Variants in MAOA observed in about 807,000 individuals in gnomAD.
The protein encoded by MAOA is monoamine oxidase A, also known as amine oxidase [flavin-containing] A.
In MAOA, 6 loss-of-function variants were observed where a neutral mutation model predicts 42.0. The observed-to-expected ratio is 0.14, with a 90% CI of 0.08 to 0.28. The LOEUF (loss-of-function observed/expected upper bound fraction) is 0.28, where lower values mean the gene tolerates loss of function less well. Among genes scored for constraint, MAOA ranks in the 10% least tolerant of loss-of-function variants. MAOA has a pLI of 1.00. For synonymous variants in MAOA, 140 were observed against 154.0 expected (o/e 0.91, Z 0.67); for missense variants, 262 against 422.3 (o/e 0.62, Z 3.33).
At chrX:43,689,245 A>G (rs1441017772) in intron 2 of MAOA, among the ~76,000 whole-genome samples, 1 of 110,576 alleles carries the variant, frequency 9.0e-6, no homozygotes, top group African/African-American at 3.3e-5. Context: ...CACCCAACTA[A>G]TTTTTGCATT....
chrX:43,682,383 G>A (rs1449212423), intron 1 of MAOA, among the ~76,000 whole-genome samples: 2 of 110,973 alleles, frequency 1.8e-5, no homozygotes, highest in Non-Finnish European at 3.8e-5. Context: ...AAGGAAGGAA[G>A]TGTTTAAACA....
intron 14 of MAOA, 39 bp downstream of exon 14, chrX:43,744,210 C>T (rs1391918337): frequency 8.6e-6 from 10 of 1,159,251 alleles, no homozygotes; most frequent in Non-Finnish European, 1.1e-5. Context: ...CTCCTTAGAC[C>T]AATCATGGAA....
chrX:43,712,846 CT>C, intron 5 of MAOA, 50 bp downstream of exon 5: 1 of 885,288 alleles, frequency 1.1e-6, no homozygotes, highest in Non-Finnish European at 1.7e-6. Context: ...CCCTTCTCGT[CT>C]TTTATATCTT....
At chrX:43,712,974 T>C (rs1453495700) in intron 5 of MAOA, among the ~76,000 whole-genome samples, 178 bp downstream of exon 5, 1 of 112,489 alleles carries the variant, frequency 8.9e-6, no homozygotes, top group Non-Finnish European at 1.9e-5. Context: ...AGAAAATGAA[T>C]CTAAAAATTA....
chrX:43,706,624 C>CATAAATAAATAAATAAATAA (rs746283353), intron 3 of MAOA, among the ~76,000 whole-genome samples: 1,129 of 104,861 alleles, frequency 0.011, 24 homozygotes, highest in African/African-American at 0.04. Flanking sequence ...ATCTCTACAA[C>CATAAATAAATAAATAAATAA]ATAAATAAAT....
At chrX:43,665,292 A>G (rs780455472) in intron 1 of MAOA, among the ~76,000 whole-genome samples, 1 of 111,681 alleles carries the variant, frequency 9.0e-6, no homozygotes, top group African/African-American at 3.3e-5. Context: ...TTTTTGCTGC[A>G]GGACTTCTCA....
At chrX:43,660,254 CCCTGAAGCTA>C (rs980683381) in intron 1 of MAOA, among the ~76,000 whole-genome samples, 10 of 111,288 alleles carry the variant, frequency 9.0e-5, no homozygotes, top group African/African-American at 3.3e-4. Flanking sequence ...AGCTCTTGAC[CCCTGAAGCTA>C]CCTGGTTATG....
chrX:43,722,443 A>G (rs1161211459), intron 5 of MAOA, among the ~76,000 whole-genome samples: 1 of 112,671 alleles, frequency 8.9e-6, no homozygotes, highest in Admixed American at 9.4e-5. Context: ...ATGACCAGTG[A>G]TGATGAACAT....
chrX:43,732,677 A>G (rs2033891791), intron 8 of MAOA, 22 bp from the exon 9 acceptor site: 4 of 1,083,608 alleles, frequency 3.7e-6, no homozygotes, highest in Non-Finnish European at 5.1e-6. Flanking sequence ...TCGATCTCCC[A>G]TTGATTTTTC....
intron 10 of MAOA, among the ~76,000 whole-genome samples, chrX:43,738,134 C>G (rs929223163): frequency 1.8e-5 from 2 of 112,018 alleles, no homozygotes; most frequent in Non-Finnish European, 3.8e-5. Flanking sequence ...TTTCAACAAG[C>G]TTTTCAGGTG....
At chrX:43,738,748 G>A (rs1182499180) in intron 10 of MAOA, among the ~76,000 whole-genome samples, 1 of 111,664 alleles carries the variant, frequency 9.0e-6, no homozygotes, top group Non-Finnish European at 1.9e-5. Flanking sequence ...TGAGTCCAGG[G>A]AGGTTAAGGC....
rs998085425 is a variant in MAOA, at chrX:43,683,622, T to A, written c.168+15T>A. Reference sequence around the variant, plus strand: ...ATACTATAAGGGTAAGTGATTTTAATACTTACATGTAATGTAATATCTCAC... The same window carrying A: ...ATACTATAAGGGTAAGTGATTTTAAAACTTACATGTAATGTAATATCTCAC... On this transcript the variant is annotated intron_variant, in intron 2 of 14. Transcript: ENST00000338702. The A allele has an allele frequency of 8.2e-6, 9 of 1,100,798 alleles. No individual in the cohort carries two copies. Among genetic ancestry groups the A allele is most frequent in the Admixed American group, 2.2e-5 (1 of 45,504 alleles). 90.7% of individuals were successfully genotyped at this position (1,100,798 alleles called of 1,213,427 possible).
At chrX:43,692,177 G>A (rs1347395897) in intron 2 of MAOA, among the ~76,000 whole-genome samples, 3 of 110,771 alleles carry the variant, frequency 2.7e-5, no homozygotes, top group Non-Finnish European at 5.7e-5. Flanking sequence ...AGAAGCTCCC[G>A]AAGGCTGAGC....
At chrX:43,676,525 C>T (rs765925093) in intron 1 of MAOA, among the ~76,000 whole-genome samples, 165 of 111,744 alleles carry the variant, frequency 1.5e-3, no homozygotes, top group African/African-American at 5.3e-3. Flanking sequence ...AGAAATCACC[C>T]GTCTTCTGCA....
intron 7 of MAOA, 34 bp from the exon 8 acceptor site, chrX:43,731,660 A>C: frequency 8.4e-7 from 1 of 1,190,683 alleles, no homozygotes; most frequent in Non-Finnish European, 1.1e-6. Flanking sequence ...TGCAGCTCAC[A>C]TTTGAGGTAA....
intron 3 of MAOA, among the ~76,000 whole-genome samples, chrX:43,697,232 G>A (rs2033587544): frequency 8.9e-6 from 1 of 112,323 alleles, no homozygotes; most frequent in Non-Finnish European, 1.9e-5. Flanking sequence ...TCTACTGTCA[G>A]GGACTGTGGA....
At chrX:43,693,173 T>C (rs915293982) in intron 2 of MAOA, 118 bp from the exon 3 acceptor site, 1 of 684,888 alleles carries the variant, frequency 1.5e-6, no homozygotes, top group Non-Finnish European at 2.3e-6. Context: ...TTGCTCTTTA[T>C]AGGGGAGATG....
chrX:43,667,503 A>G (rs976653144), intron 1 of MAOA, among the ~76,000 whole-genome samples: 1 of 111,710 alleles, frequency 9.0e-6, no homozygotes, highest in Non-Finnish European at 1.9e-5. Flanking sequence ...ATGTACTTGC[A>G]GAAAGATTCC....
intron 2 of MAOA, among the ~76,000 whole-genome samples, chrX:43,683,981 C>A (rs980502871): frequency 3.8e-5 from 4 of 105,248 alleles, no homozygotes; most frequent in Non-Finnish European, 3.9e-5. Context: ...CACACACACA[C>A]TTAGATTCCC....
Sources: gnomAD v4.1 joint callset for allele counts (sites outside exome capture counted in the v4.1 genomes callset) on GRCh38, gnomAD v4.1.1 for gene constraint, MANE v1.5 for transcripts, NCBI Gene and HGNC (gene_info 2026-07-23, HGNC 2026-07-21) for gene names.